Variants in ARHGEF18 observed in about 807,000 individuals in gnomAD.
ARHGEF18 encodes the protein rho guanine nucleotide exchange factor 18.
Under a neutral mutation model 155.7 loss-of-function variants are expected in ARHGEF18, and 93 were observed. The ratio of observed to expected loss-of-function variants is 0.60; its 90% CI spans 0.50 to 0.71. ARHGEF18 has a LOEUF of 0.71. ARHGEF18 is among the 30% of genes least tolerant of loss of function. ARHGEF18 has a pLI of 0.00. For synonymous variants in ARHGEF18, 742 were observed against 753.1 expected (o/e 0.99, Z 0.24); for missense variants, 1,593 against 1,816.1 (o/e 0.88, Z 2.23).
At chr19:7,369,039 C>A (rs1970071562) in intron 2 of ARHGEF18, among the ~76,000 whole-genome samples, 1 of 152,270 alleles carries the variant, frequency 6.6e-6, no homozygotes, top group South Asian at 2.1e-4. Flanking sequence ...GGAAGTTAAA[C>A]CTAAAATTGA....
chr19:7,417,674 A>G (rs1973100445), intron 10 of ARHGEF18, among the ~76,000 whole-genome samples: 1 of 152,166 alleles, frequency 6.6e-6, no homozygotes, highest in East Asian at 1.9e-4. Context: ...TCCAGCCTGC[A>G]TGACAGAGCG....
intron 18 of ARHGEF18, among the ~76,000 whole-genome samples, chr19:7,457,958 TA>T (rs1174140592): frequency 6.6e-6 from 1 of 151,776 alleles, no homozygotes; most frequent in East Asian, 1.9e-4. Context: ...GCCGACTATT[TA>T]AAAAAAAATT....
intron 10 of ARHGEF18, among the ~76,000 whole-genome samples, chr19:7,421,901 T>C (rs1973369917): frequency 6.6e-6 from 1 of 152,084 alleles, no homozygotes; most frequent in African/African-American, 2.4e-5. Flanking sequence ...CTGTTCTTTT[T>C]CCCACCTCTG....
chr19:7,413,850 T>G (rs145313700), intron 10 of ARHGEF18, among the ~76,000 whole-genome samples: 135 of 152,218 alleles, frequency 8.9e-4, no homozygotes, highest in Non-Finnish European at 1.0e-3. Flanking sequence ...TGGGCTGATG[T>G]TAACTTAGTA....
At chr19:7,416,703 C>T (rs1260162008) in intron 10 of ARHGEF18, among the ~76,000 whole-genome samples, 1 of 148,636 alleles carries the variant, frequency 6.7e-6, no homozygotes, top group Admixed American at 6.8e-5. Context: ...CCCGGGTTCA[C>T]ACCATTCTCC....
Position 7,470,455 on chromosome 19 carries a change from T to C in ARHGEF18, c.*157T>C, listed in dbSNP as rs1192049074. On this transcript the variant is annotated 3_prime_UTR_variant, in exon 29 of 29. Transcript: ENST00000668164. This position sits in a 1 kb window ranked among gnomAD's most constrained non-coding sequence, Gnocchi z 5.9. Reference sequence around the variant, plus strand: ...CTGGCAGGGGCCAGCCTGTCGGTGCTCTGGGCCTTGCAGCTGTTTCTGTAG... The same window carrying C: ...CTGGCAGGGGCCAGCCTGTCGGTGCCCTGGGCCTTGCAGCTGTTTCTGTAG... 4.7e-6 allele frequency: 3 copies of C among 634,346 alleles called. No individual in the cohort carries two copies. The highest frequency in any genetic ancestry group is 6.8e-6 in the Non-Finnish European group (3 of 440,674). 39.3% of individuals were successfully genotyped at this position (634,346 alleles called of 1,614,324 possible).
In ARHGEF18 at chr19:7,362,704, CA is replaced by C. The variant is rs113855346; in HGVS notation, c.-110-76del. The C allele has an allele frequency of 3.1e-3, 3,804 of 1,209,292 alleles. 101 individuals carry two copies. The African/African-American group carries it at 0.05, about 16-fold the overall frequency. 74.9% of individuals were successfully genotyped at this position (1,209,292 alleles called of 1,614,324 possible). The stretch of plus-strand genomic sequence containing the variant: ...AACTGAGGTCCAGGGTGACCAGCAA[CA>C]GATGCAGAATCCAGGTCCTGGCTTC... On this transcript the variant is annotated intron_variant, in intron 1 of 28. Coordinates refer to ENST00000668164, the MANE Select transcript of ARHGEF18 (RefSeq NM_001367823.1).
At chr19:7,414,114 C>T (rs1972852622) in intron 10 of ARHGEF18, among the ~76,000 whole-genome samples, 1 of 152,066 alleles carries the variant, frequency 6.6e-6, no homozygotes, top group South Asian at 2.1e-4. Context: ...TGGGACCTAC[C>T]TGGGCACTGC....
Position 7,376,706 on chromosome 19 carries a change from C to T in ARHGEF18, c.490C>T (p.Arg164Cys), listed in dbSNP as rs760773286. The change falls in exon 5 of 29, where the codon CGC (arginine) becomes TGC (cysteine). Residue 164 changes from arginine (R) to cysteine (C), a missense_variant. Physicochemically the swap from Arg to Cys is radical, Grantham distance 180 (BLOSUM62 -3). Coordinates refer to ENST00000668164, the MANE Select transcript of ARHGEF18 (RefSeq NM_001367823.1). ...CGTTCCTGTGTCCTTCTATGAGATCCGCTCTCCGGAAATCTCTCCGGGTTT... is the reference window on the plus strand; with the variant it reads ...CGTTCCTGTGTCCTTCTATGAGATCTGCTCTCCGGAAATCTCTCCGGGTTT... The part of the protein sequence containing the change: ...RSVPVSFYEI[R>C]SPEISPGLEV... 2.3e-5 allele frequency: 28 copies of T among 1,234,328 alleles called. No individual in the cohort carries two copies. Among genetic ancestry groups the T allele is most frequent in the Admixed American group, 4.2e-5 (1 of 23,702 alleles). The allele number at this position is 1,234,328 out of a possible 1,614,324, so 76.5% of individuals were successfully genotyped here. A position where few individuals can be genotyped will look rare whatever the true frequency, so the allele number is the denominator to read the frequency against.
At chr19:7,355,026 G>A (rs948520895) in intron 1 of ARHGEF18, among the ~76,000 whole-genome samples, 1 of 151,352 alleles carries the variant, frequency 6.6e-6, no homozygotes, top group Non-Finnish European at 1.5e-5. Flanking sequence ...AGACACAGAT[G>A]AGTCATGTAG....
chr19:7,417,357 T>C (rs1253014793), intron 10 of ARHGEF18, among the ~76,000 whole-genome samples: 2 of 152,162 alleles, frequency 1.3e-5, no homozygotes, highest in Non-Finnish European at 2.9e-5. Context: ...AAGACCAGCC[T>C]GGGCAGCATA....
At position 7,463,940 on chromosome 19, in the gene ARHGEF18, A is replaced by G; in HGVS notation, c.2758A>G (p.Asn920Asp). The G allele has an allele frequency of 1.3e-6, 2 of 1,592,166 alleles. No individual in the cohort carries two copies. The highest frequency in any genetic ancestry group is 1.7e-6 in the Non-Finnish European group (2 of 1,169,796). Residue 920 changes from asparagine to aspartate, a missense_variant, in exon 22 of 29, where the codon AAC becomes GAC. Transcript: ENST00000668164. This position sits in a 1 kb window ranked among gnomAD's most constrained non-coding sequence, Gnocchi z 5.2. ...AETFAGYDCT[N>D]SPTKNGSFKK... ...GACCTTCGCGGGCTACGACTGCACA[A>G]ACAGCCCCACCAAGAGTAAGAGCGG... is the stretch of plus-strand genomic sequence containing the variant.
intron 10 of ARHGEF18, among the ~76,000 whole-genome samples, chr19:7,409,516 C>T (rs1341280613): frequency 6.6e-6 from 1 of 151,052 alleles, no homozygotes; most frequent in Non-Finnish European, 1.5e-5. Context: ...TAACCTCCAC[C>T]TCCTGAGTTC....
intron 1 of ARHGEF18, among the ~76,000 whole-genome samples, chr19:7,362,069 AG>A (rs1568264707): frequency 1.1e-3 from 32 of 29,814 alleles, no homozygotes; most frequent in African/African-American, 2.6e-3. Flanking sequence ...GAGAAGGAGA[AG>A]GAGAAGGAGA....
intron 22 of ARHGEF18, among the ~76,000 whole-genome samples, chr19:7,464,333 C>T (rs1326496642): frequency 1.3e-5 from 2 of 152,188 alleles, no homozygotes; most frequent in African/African-American, 2.4e-5. Flanking sequence ...CCACCGCACC[C>T]AGCCGATTTT....
Position 7,376,627 on chromosome 19 carries a change from G to A in ARHGEF18, c.427-16G>A. The A allele has an allele frequency of 8.1e-7, 1 of 1,232,866 alleles. No homozygotes were observed. The highest frequency in any genetic ancestry group is 1.0e-6 in the Non-Finnish European group (1 of 986,926). 76.4% of individuals were successfully genotyped at this position (1,232,866 alleles called of 1,614,324 possible). A position where few individuals can be genotyped will look rare whatever the true frequency, so the allele number is the denominator to read the frequency against. On this transcript the variant is annotated splice_polypyrimidine_tract_variant and intron_variant, in intron 4 of 28. Coordinates refer to ENST00000668164, the MANE Select transcript of ARHGEF18 (RefSeq NM_001367823.1). ...GGCTGCCTTCCCAGCTTAGTGAGAT[G>A]TTTAATCCCCTGCAGGAATGTGACA...
chr19:7,428,868 C>T (rs1408775363), intron 10 of ARHGEF18, among the ~76,000 whole-genome samples: 3 of 152,192 alleles, frequency 2.0e-5, no homozygotes, highest in Middle Eastern at 3.2e-3. Flanking sequence ...TGTGCTCGTG[C>T]CGCAATGGGC....
At chr19:7,479,183 C>T in the ARHGEF18 span, among the ~76,000 whole-genome samples, 7 of 152,160 alleles carry the variant, frequency 4.6e-5, no homozygotes, top group African/African-American at 1.7e-4. Flanking sequence ...TCCCCAGACC[C>T]ACAGAATCAG....
chr19:7,414,151 C>T (rs1255967384), intron 10 of ARHGEF18, among the ~76,000 whole-genome samples: 1 of 152,096 alleles, frequency 6.6e-6, no homozygotes, highest in Non-Finnish European at 1.5e-5. Context: ...TCCCTGGCCT[C>T]CACCCACCAG....
Sources: allele counts gnomAD v4.1 joint callset (sites outside exome capture counted in the v4.1 genomes callset), GRCh38; gene constraint gnomAD v4.1.1; non-coding constraint Gnocchi (gnomAD v3.1); transcripts MANE v1.5; gene names NCBI Gene and HGNC (gene_info 2026-07-23, HGNC 2026-07-21).